The following SPEF2 variants were observed in gnomAD, a reference collection of about 807,000 sequenced individuals.
The protein encoded by SPEF2 is sperm flagella and cilia-associated protein 2.
Under a neutral mutation model 224.6 loss-of-function variants are expected in SPEF2, and 187 were observed. That is an observed-to-expected ratio of 0.83 (90% CI 0.74 to 0.94). SPEF2 has a LOEUF of 0.94. Among genes scored for constraint, SPEF2 ranks in the 40% least tolerant of loss-of-function variants. The pLI is 0.00. For missense variants in SPEF2, 2,170 were observed against 2,135.6 expected, an observed-to-expected ratio of 1.02 and a Z score of -0.32; for synonymous variants, 715 against 707.3, an observed-to-expected ratio of 1.01 and a Z score of -0.17.
chr5:35,712,245 T>A (rs1018506718), intron 19 of SPEF2, among the ~76,000 whole-genome samples: 9 of 149,498 alleles, frequency 6.0e-5, no homozygotes, highest in Admixed American at 4.6e-4. Flanking sequence ...TTATTTTATT[T>A]TATTATTTTA....
At chr5:35,777,713 A>C (rs962631905) in intron 29 of SPEF2, among the ~76,000 whole-genome samples, 7 of 149,354 alleles carry the variant, frequency 4.7e-5, no homozygotes, top group Non-Finnish European at 8.9e-5. Flanking sequence ...ATAAATAAAT[A>C]GCTGGCAGAT....
At chr5:35,677,011 T>A (rs1259594062) in intron 10 of SPEF2, among the ~76,000 whole-genome samples, 2 of 152,002 alleles carry the variant, frequency 1.3e-5, no homozygotes, top group Admixed American at 1.3e-4. Context: ...TTTTTGGGGG[T>A]GGCTTATACC....
At chr5:35,731,655 G>A (rs1745663319) in intron 21 of SPEF2, among the ~76,000 whole-genome samples, 2 of 152,206 alleles carry the variant, frequency 1.3e-5, no homozygotes, top group African/African-American at 4.8e-5. Flanking sequence ...TTGCTTGTGT[G>A]AGCAAATTAC....
At chr5:35,801,650 A>C (rs1445787552) in intron 34 of SPEF2, among the ~76,000 whole-genome samples, 1 of 152,146 alleles carries the variant, frequency 6.6e-6, no homozygotes, top group Non-Finnish European at 1.5e-5. Flanking sequence ...TGGATCTATG[A>C]TCTAAGCCCA....
In SPEF2 at chr5:35,793,334, A is replaced by G; in HGVS notation, c.4730A>G (p.Tyr1577Cys). 1 of 1,611,728 alleles carries G rather than the reference A, an allele frequency of 6.2e-7. No individual in the cohort carries two copies. Among genetic ancestry groups the G allele is most frequent in the Non-Finnish European group, 8.5e-7 (1 of 1,179,378 alleles). ...TTGGGCACCATCACTTTTGAGCAGT[A>G]TATGCAGGTTGTTACCAGCACCTGA... Reference protein sequence around the residue: ...EQLGTITFEQYMQAGLWFTGD... With the variant: ...EQLGTITFEQCMQAGLWFTGD... The change falls in exon 32 of 37, where the codon TAT becomes TGT. Residue 1577 changes from tyrosine (Y) to cysteine (C), a missense_variant. Tyr to Cys is a radical substitution (Grantham distance 194). Coordinates refer to ENST00000356031, the MANE Select transcript of SPEF2 (RefSeq NM_024867.4).
rs1010529154 is a variant in SPEF2, at chr5:35,727,875, A to G, written c.3063+52A>G. On this transcript the variant is annotated intron_variant, in intron 21 of 36. Coordinates refer to ENST00000356031, the MANE Select transcript of SPEF2 (RefSeq NM_024867.4). ...AGAATTCATTCTTTCTCCTGCATAT[A>G]GTAAGATTCACACTGTCATTTGCAA... 15 of 1,575,532 alleles carry G rather than the reference A, an allele frequency of 9.5e-6. No homozygotes were observed. The Middle Eastern group carries it at 6.7e-4, about 71-fold the overall frequency.
chr5:35,668,837 T>C (rs1469260256), intron 9 of SPEF2, among the ~76,000 whole-genome samples: 1 of 152,118 alleles, frequency 6.6e-6, no homozygotes, highest in Non-Finnish European at 1.5e-5. Flanking sequence ...GTTGCAATCA[T>C]GAAGCCATAG....
chr5:35,771,809 A>T, intron 27 of SPEF2, 53 bp downstream of exon 27: 1 of 1,545,764 alleles, frequency 6.5e-7, no homozygotes, highest in Non-Finnish European at 8.7e-7. Context: ...TCTCCTTCGT[A>T]GAAAACGAGC....
intron 20 of SPEF2, among the ~76,000 whole-genome samples, chr5:35,717,560 C>T (rs950989005): frequency 6.6e-6 from 1 of 152,080 alleles, no homozygotes; most frequent in Admixed American, 6.5e-5. Flanking sequence ...AAAATTTAGG[C>T]TCACAGACGG....
chr5:35,740,736 A>T (rs1167921947), intron 23 of SPEF2, among the ~76,000 whole-genome samples: 2 of 152,180 alleles, frequency 1.3e-5, no homozygotes, highest in East Asian at 3.9e-4. Flanking sequence ...TCCAGCAAGC[A>T]CAATTCCTGG....
intron 21 of SPEF2, among the ~76,000 whole-genome samples, chr5:35,730,839 C>G (rs79043755): frequency 6.6e-6 from 1 of 152,102 alleles, no homozygotes; most frequent in African/African-American, 2.4e-5. Context: ...GAATAAGGCT[C>G]TAAGAGAAAT....
At position 35,659,184 on chromosome 5, in the gene SPEF2, C is replaced by T; in HGVS notation, c.1144C>T (p.Gln382Ter). The T allele has an allele frequency of 6.2e-7, 1 of 1,610,122 alleles. No homozygotes were observed. The highest frequency in any genetic ancestry group is 8.5e-7 in the Non-Finnish European group (1 of 1,177,762). The change falls in exon 8 of 37, where the codon CAG becomes TAG. Residue 382 changes from glutamine (Q) to a stop codon, truncating the protein, a stop_gained. Coordinates refer to ENST00000356031, the MANE Select transcript of SPEF2 (RefSeq NM_024867.4). LOFTEE classifies it high-confidence loss of function. Reference sequence around the variant, plus strand: ...TGAGGAAAGACGACTTAAAGATTTCCAGGATGCTCTTGATCGAGAAGCGGT... The same window carrying T: ...TGAGGAAAGACGACTTAAAGATTTCTAGGATGCTCTTGATCGAGAAGCGGT... ...QHEERRLKDF[Q>*]DALDREAALA... is the part of the protein sequence containing the mutation.
At chr5:35,682,046 C>CT (rs34869353) in intron 10 of SPEF2, among the ~76,000 whole-genome samples, 1 of 152,136 alleles carries the variant, frequency 6.6e-6, no homozygotes, top group Non-Finnish European at 1.5e-5. Context: ...CAAGTCTTAA[C>CT]TTTAAGTATT....
At chr5:35,636,221 AT>A (rs1745813833) in intron 2 of SPEF2, among the ~76,000 whole-genome samples, 2 of 152,284 alleles carry the variant, frequency 1.3e-5, no homozygotes, top group South Asian at 4.2e-4. Context: ...GTGGTCAGCA[AT>A]TGAATAGAGA....
At chr5:35,796,796 T>G (rs1371890198) in intron 33 of SPEF2, among the ~76,000 whole-genome samples, 1 of 152,282 alleles carries the variant, frequency 6.6e-6, no homozygotes, top group East Asian at 1.9e-4. Flanking sequence ...TGGAGCAATT[T>G]CCTTCAATTG....
chr5:35,777,995 G>A (rs1489306994), intron 29 of SPEF2, among the ~76,000 whole-genome samples: 3 of 152,088 alleles, frequency 2.0e-5, no homozygotes, highest in Non-Finnish European at 2.9e-5. Context: ...CACCCTAAAA[G>A]CATAAACTAA....
intron 7 of SPEF2, among the ~76,000 whole-genome samples, chr5:35,656,899 G>T (rs1561143727): frequency 1.3e-5 from 2 of 152,180 alleles, no homozygotes; most frequent in Non-Finnish European, 2.9e-5. Flanking sequence ...AGCATATGCT[G>T]CATTCCCTCC....
chr5:35,752,347 G>C (rs897781809), intron 23 of SPEF2, among the ~76,000 whole-genome samples: 15 of 152,238 alleles, frequency 9.9e-5, no homozygotes, highest in African/African-American at 3.6e-4. Flanking sequence ...GAGGTGCAGT[G>C]GTGAAGTCAT....
chr5:35,776,195 G>C, intron 28 of SPEF2, 62 bp from the exon 29 acceptor site: 6 of 1,514,828 alleles, frequency 4.0e-6, no homozygotes, highest in Non-Finnish European at 4.4e-6. Context: ...AAGTGAATCT[G>C]TTCATTAGTA....
Sources: allele counts gnomAD v4.1 joint callset (sites outside exome capture counted in the v4.1 genomes callset), GRCh38; gene constraint gnomAD v4.1.1; transcripts MANE v1.5; gene names NCBI Gene and HGNC (gene_info 2026-07-23, HGNC 2026-07-21).